Variants in DSCAM observed in about 807,000 individuals in gnomAD.
The protein encoded by DSCAM is cell adhesion molecule DSCAM.
In DSCAM, 47 loss-of-function variants were observed where a neutral mutation model predicts 217.7. The ratio of observed to expected loss-of-function variants is 0.22; its 90% CI spans 0.17 to 0.28. DSCAM has a LOEUF of 0.28. Among genes scored for constraint, DSCAM ranks in the 10% least tolerant of loss-of-function variants. DSCAM has a pLI of 1.00. For synonymous variants in DSCAM, 1,056 were observed against 1,015.3 expected (o/e 1.04, Z -0.76); for missense variants, 2,080 against 2,618.3 (o/e 0.79, Z 4.49).
chr21:40,288,795 T>C (rs2073857480), intron 10 of DSCAM, among the ~76,000 whole-genome samples: 1 of 152,218 alleles, frequency 6.6e-6, no homozygotes, highest in African/African-American at 2.4e-5. Context: ...ATGCTTTCTA[T>C]GAGTCATCTT....
chr21:40,398,675 G>A (rs949098837), intron 3 of DSCAM, among the ~76,000 whole-genome samples: 47 of 134,554 alleles, frequency 3.5e-4, no homozygotes, highest in African/African-American at 1.0e-3. Context: ...TCACTCTGCC[G>A]CCAGGCTGGA....
At chr21:40,481,530 C>CAA (rs34586895) in intron 3 of DSCAM, among the ~76,000 whole-genome samples, 731 of 60,240 alleles carry the variant, frequency 0.012, 3 homozygotes, top group African/African-American at 0.027. Context: ...ACTCTGTCTC[C>CAA]AAAAAAAAAA....
intron 15 of DSCAM, among the ~76,000 whole-genome samples, chr21:40,173,256 T>C (rs1306099439): frequency 6.6e-6 from 1 of 151,634 alleles, no homozygotes; most frequent in Non-Finnish European, 1.5e-5. Flanking sequence ...CCCAGTGGAG[T>C]GGGCAGTGGG....
chr21:40,263,337 A>G (rs1357038056), intron 11 of DSCAM, among the ~76,000 whole-genome samples: 1 of 152,232 alleles, frequency 6.6e-6, no homozygotes, highest in Non-Finnish European at 1.5e-5. Context: ...CAGAGCAAAG[A>G]AAATTTCAAT....
intron 1 of DSCAM, among the ~76,000 whole-genome samples, chr21:40,787,643 T>C (rs2091605947): frequency 6.6e-6 from 1 of 152,230 alleles, no homozygotes; most frequent in Non-Finnish European, 1.5e-5. Context: ...CAGTTCGGTG[T>C]AATACCAGGC....
At position 40,409,233 on chromosome 21, in the gene DSCAM, T is replaced by C. The variant is rs150906949; in HGVS notation, c.509-39988A>G. Among the ~76,000 whole-genome samples the C allele has an allele frequency of 1.2e-3, 189 of 152,346 alleles. No homozygotes were observed. In the East Asian group the frequency reaches 0.026, roughly 21 times the overall value. On this transcript the variant is annotated intron_variant, in intron 3 of 32. Transcript: ENST00000400454. ...AGAATGTAATTTGTATTTTTAAATG[T>C]TACATTACACTATAATCACTTCCAC... is the stretch of plus-strand genomic sequence containing the variant.
At chr21:40,646,841 G>A (rs1279486296) in intron 3 of DSCAM, among the ~76,000 whole-genome samples, 1 of 152,170 alleles carries the variant, frequency 6.6e-6, no homozygotes, top group Non-Finnish European at 1.5e-5. Flanking sequence ...TCACAGCTGA[G>A]AGCCTCCATG....
At chr21:40,232,311 G>T (rs1163165603) in intron 11 of DSCAM, among the ~76,000 whole-genome samples, 1 of 152,180 alleles carries the variant, frequency 6.6e-6, no homozygotes, top group Non-Finnish European at 1.5e-5. Context: ...CCTGTTATGG[G>T]ATGGCTGGCT....
At chr21:40,590,029 T>TA (rs545990800) in intron 3 of DSCAM, among the ~76,000 whole-genome samples, 5 of 152,356 alleles carry the variant, frequency 3.3e-5, no homozygotes, top group Non-Finnish European at 7.3e-5. Context: ...AATTGGTAGA[T>TA]ATTGTGTCTT....
intron 21 of DSCAM, among the ~76,000 whole-genome samples, chr21:40,092,823 AACTT>A (rs775448828): frequency 6.6e-6 from 1 of 152,124 alleles, no homozygotes; most frequent in Non-Finnish European, 1.5e-5. Flanking sequence ...TTCCCTTACC[AACTT>A]ACTTATTTTC....
chr21:40,352,274 T>C lies in DSCAM; in HGVS notation c.934+1191A>G, dbSNP rs183471864. 8.5e-3 allele frequency among the ~76,000 whole-genome samples: 1,290 copies of C among 152,292 alleles called. 13 individuals carry two copies. The highest frequency in any genetic ancestry group is 0.02 in the Admixed American group (301 of 15,300). On this transcript the variant is annotated intron_variant, in intron 5 of 32. Transcript: ENST00000400454. ...AGAACAGGGAGCTAGGAGAGGTCTT[T>C]AAACACAGAAGAGACTTTGAGCCCG...
chr21:40,653,410 G>A (rs1416793552), intron 3 of DSCAM, among the ~76,000 whole-genome samples: 2 of 152,168 alleles, frequency 1.3e-5, no homozygotes, highest in African/African-American at 4.8e-5. Context: ...GGCATTTTCA[G>A]GGTGTCTCAC....
chr21:40,706,401 G>T (rs778477223), intron 2 of DSCAM, among the ~76,000 whole-genome samples: 1 of 152,112 alleles, frequency 6.6e-6, no homozygotes, highest in African/African-American at 2.4e-5. Flanking sequence ...GACTAGGATT[G>T]ATGATTAATG....
At chr21:40,370,497 CAGG>C (rs1340874927) in intron 3 of DSCAM, among the ~76,000 whole-genome samples, 8 of 152,022 alleles carry the variant, frequency 5.3e-5, no homozygotes, top group Admixed American at 1.3e-4. Context: ...TCAGAATTTC[CAGG>C]AGTCTTAGCT....
intron 14 of DSCAM, among the ~76,000 whole-genome samples, chr21:40,179,507 T>C (rs903014476): frequency 1.8e-4 from 27 of 152,104 alleles, no homozygotes; most frequent in Admixed American, 6.6e-4. Flanking sequence ...ATGGTTTGGA[T>C]AGTACCCCTG....
intron 16 of DSCAM, among the ~76,000 whole-genome samples, chr21:40,159,812 A>G (rs2090519925): frequency 6.6e-6 from 1 of 152,208 alleles, no homozygotes; most frequent in Non-Finnish European, 1.5e-5. Context: ...CGAACTCGTG[A>G]TGTTAAGTGA....
chr21:40,457,870 C>A (rs1224315408), intron 3 of DSCAM, among the ~76,000 whole-genome samples: 6 of 152,098 alleles, frequency 3.9e-5, no homozygotes. Context: ...AAAGCCATGG[C>A]CATGTTCTGA....
At chr21:40,362,260 T>C (rs1219505482) in intron 4 of DSCAM, among the ~76,000 whole-genome samples, 1 of 152,156 alleles carries the variant, frequency 6.6e-6, no homozygotes, top group Non-Finnish European at 1.5e-5. Flanking sequence ...TATAGCAGCA[T>C]ATGTACCCTA....
chr21:40,442,757 G>T (rs536024400), intron 3 of DSCAM, among the ~76,000 whole-genome samples: 10 of 151,964 alleles, frequency 6.6e-5, no homozygotes, highest in Non-Finnish European at 1.5e-4. Context: ...TGATCTGCCC[G>T]CCTCGGCCTC....
Sources: gnomAD v4.1 joint callset for allele counts (sites outside exome capture counted in the v4.1 genomes callset) on GRCh38, gnomAD v4.1.1 for gene constraint, MANE v1.5 for transcripts, NCBI Gene and HGNC (gene_info 2026-07-23, HGNC 2026-07-21) for gene names.